The following MYOM1 variants were observed in gnomAD, a reference collection of about 807,000 sequenced individuals.
MYOM1 encodes the protein myomesin 1, also known as myomesin-1.
Under a neutral mutation model 205.3 loss-of-function variants are expected in MYOM1, and 164 were observed. The observed-to-expected ratio is 0.80, with a 90% CI of 0.70 to 0.91. The LOEUF is 0.91. Ranked by LOEUF, MYOM1 falls within the 40% of genes least tolerant of loss-of-function variation. The probability of loss-of-function intolerance (pLI) is 0.00; values close to 1 mark genes in which losing one functional copy is unlikely to be tolerated. For missense variants in MYOM1, 2,011 were observed against 2,127.3 expected, an observed-to-expected ratio of 0.95 and a Z score of 1.08; for synonymous variants, 772 against 789.4, an observed-to-expected ratio of 0.98 and a Z score of 0.37.
At chr18:3,167,329 T>C (rs939015691) in intron 9 of MYOM1, among the ~76,000 whole-genome samples, 2 of 152,230 alleles carry the variant, frequency 1.3e-5, no homozygotes, top group African/African-American at 4.8e-5. Context: ...GATACTCTAG[T>C]ATAGAAACTT....
chr18:3,091,022 A>C (rs188895151), intron 26 of MYOM1, among the ~76,000 whole-genome samples: 1 of 152,276 alleles, frequency 6.6e-6, no homozygotes, highest in Non-Finnish European at 1.5e-5. Context: ...TCTATATAAA[A>C]ATAGAAAAAT....
intron 12 of MYOM1, among the ~76,000 whole-genome samples, chr18:3,149,945 G>C (rs1187922899): frequency 6.6e-6 from 1 of 152,192 alleles, no homozygotes; most frequent in Non-Finnish European, 1.5e-5. Context: ...ACGAAAGTAT[G>C]AGATGGAATT....
chr18:3,162,983 GC>G (rs1236698815), intron 10 of MYOM1, among the ~76,000 whole-genome samples: 1 of 142,442 alleles, frequency 7.0e-6, no homozygotes, highest in Non-Finnish European at 1.5e-5. Flanking sequence ...CCGAGATCAA[GC>G]CACTGCACTG....
rs1218048567 is a variant in MYOM1 at position 3,152,574 on chromosome 18, T to C, written c.1644-681A>G. ...AGTTGGTACCTGGGGATGGAGTGGG[T>C]CATTCCCAGCAGACAAATATGACAG... On this transcript the variant is annotated intron_variant, in intron 11 of 37. Transcript: ENST00000356443. The surrounding 1 kb of genome is among the most constrained non-coding windows in gnomAD (Gnocchi z 4.3). Among the ~76,000 whole-genome samples the C allele has an allele frequency of 6.6e-6, 1 of 152,158 alleles. No homozygotes were observed. The highest frequency in any genetic ancestry group is 1.9e-4 in the East Asian group (1 of 5,190).
At chr18:3,200,783 A>G (rs896525417) in intron 2 of MYOM1, among the ~76,000 whole-genome samples, 1 of 152,196 alleles carries the variant, frequency 6.6e-6, no homozygotes, top group African/African-American at 2.4e-5. Flanking sequence ...AGTGCCAGAA[A>G]GGGAAGAGAG....
chr18:3,187,428 C>G lies in MYOM1; in HGVS notation c.929+52G>C, dbSNP rs142715965. The stretch of plus-strand genomic sequence containing the variant: ...TTGTTCTGTGTGTTTCCACTAGAGG[C>G]GAACTTAACTTGGTGTAATGAATTC... On this transcript the variant is annotated intron_variant, in intron 5 of 37. Coordinates refer to ENST00000356443, the MANE Select transcript of MYOM1 (RefSeq NM_003803.4). 1.5e-4 allele frequency: 242 copies of G among 1,581,372 alleles called. No individual in the cohort carries two copies. In the African/African-American group the frequency reaches 2.8e-3, roughly 18 times the overall value.
At chr18:3,126,264 CA>C (rs575517054) in intron 19 of MYOM1, among the ~76,000 whole-genome samples, 318 of 65,086 alleles carry the variant, frequency 4.9e-3, no homozygotes, top group African/African-American at 9.3e-3. Context: ...GACTTCATCT[CA>C]AAAAAAAAAA....
upstream of MYOM1, among the ~76,000 whole-genome samples, chr18:3,221,313 C>A (rs1236441505): frequency 2.6e-5 from 4 of 152,222 alleles, no homozygotes; most frequent in Non-Finnish European, 5.9e-5. Context: ...AGCCACTGCA[C>A]CCAGTCTCTA....
upstream of MYOM1, among the ~76,000 whole-genome samples, chr18:3,223,590 A>G (rs117251641): frequency 8.2e-3 from 1,256 of 152,368 alleles, 10 homozygotes; most frequent in Middle Eastern, 0.037. Flanking sequence ...TTAGAGCTAG[A>G]TGATCACTAA....
chr18:3,231,716 G>A, the MYOM1 span, among the ~76,000 whole-genome samples: 4 of 151,382 alleles, frequency 2.6e-5, no homozygotes, highest in South Asian at 2.1e-4. Flanking sequence ...GCTAATTTTT[G>A]TATTTTTAGT....
chr18:3,149,266 T>G (rs555448366), intron 12 of MYOM1, 65 bp from the exon 13 acceptor site: 1 of 1,396,814 alleles, frequency 7.2e-7, no homozygotes, highest in African/African-American at 1.4e-5. Flanking sequence ...GCTGCACTGA[T>G]GAATTGGGAA....
At chr18:3,136,004 T>C (rs778317257) in intron 14 of MYOM1, among the ~76,000 whole-genome samples, 28 of 152,302 alleles carry the variant, frequency 1.8e-4, no homozygotes, top group Admixed American at 5.9e-4. Flanking sequence ...GGGAGGGACC[T>C]GGTGGGAGAT....
At chr18:3,188,085 C>A (rs2080847087) in intron 4 of MYOM1, among the ~76,000 whole-genome samples, 1 of 151,880 alleles carries the variant, frequency 6.6e-6, no homozygotes, top group African/African-American at 2.4e-5. Flanking sequence ...TCAAGTAATT[C>A]TCCTGCCTTG....
intron 18 of MYOM1, among the ~76,000 whole-genome samples, chr18:3,127,305 A>ATTT (rs1555620545): frequency 0.016 from 764 of 47,580 alleles, 49 homozygotes; most frequent in African/African-American, 0.045. Context: ...ATATATATAT[A>ATTT]TTTTTTTTTT....
At chr18:3,226,473 G>C in the MYOM1 span, among the ~76,000 whole-genome samples, 17 of 151,932 alleles carry the variant, frequency 1.1e-4, no homozygotes, top group Non-Finnish European at 1.6e-4. The surrounding 1 kb of genome is among the most constrained non-coding windows in gnomAD (Gnocchi z 4.6). Context: ...TTTCAACCAC[G>C]GGTAATTCCT....
intron 13 of MYOM1, among the ~76,000 whole-genome samples, chr18:3,148,389 A>G (rs1020566005): frequency 1.3e-5 from 2 of 152,224 alleles, no homozygotes; most frequent in African/African-American, 2.4e-5. Flanking sequence ...GTAAAGAAAA[A>G]CAGACAAAAA....
chr18:3,114,464 G>C (rs1326772464), intron 21 of MYOM1, among the ~76,000 whole-genome samples: 1 of 148,992 alleles, frequency 6.7e-6, no homozygotes, highest in Admixed American at 6.7e-5. Flanking sequence ...TGCAGCTTCC[G>C]CCTCCCTGGT....
intron 22 of MYOM1, among the ~76,000 whole-genome samples, chr18:3,111,741 T>C (rs1293500441): frequency 6.6e-6 from 1 of 152,240 alleles, no homozygotes; most frequent in East Asian, 1.9e-4. Flanking sequence ...CATTAGTTTA[T>C]GTATCCTCAA....
intron 31 of MYOM1, among the ~76,000 whole-genome samples, chr18:3,084,632 A>G (rs1422839771): frequency 6.6e-6 from 1 of 152,228 alleles, no homozygotes; most frequent in East Asian, 1.9e-4. Context: ...TCTCTGAAAA[A>G]TGGAATTTGC....
Sources: gnomAD v4.1 joint callset for allele counts (sites outside exome capture counted in the v4.1 genomes callset) on GRCh38, gnomAD v4.1.1 for gene constraint, Gnocchi (gnomAD v3.1) non-coding constraint, MANE v1.5 for transcripts, NCBI Gene and HGNC (gene_info 2026-07-23, HGNC 2026-07-21) for gene names.